Variants in SMARCB1 observed in about 807,000 individuals in gnomAD.
The protein encoded by SMARCB1 is SWI/SNF-related matrix-associated actin-dependent regulator of chromatin subfamily B member 1.
Under a neutral mutation model 49.0 loss-of-function variants are expected in SMARCB1, and 5 were observed. That is an observed-to-expected ratio of 0.10 (90% CI 0.05 to 0.21). The LOEUF (loss-of-function observed/expected upper bound fraction) is 0.21. Ranked by LOEUF, SMARCB1 falls within the 10% of genes least tolerant of loss-of-function variation. The pLI is 1.00. For synonymous variants in SMARCB1, 201 were observed against 200.1 expected (o/e 1.00, Z -0.04); for missense variants, 226 against 509.2 (o/e 0.44, Z 5.35).
intron 3 of SMARCB1, among the ~76,000 whole-genome samples, chr22:23,797,000 CT>C (rs1166157626): frequency 0.085 from 11,556 of 135,280 alleles, 1,223 homozygotes; most frequent in African/African-American, 0.28. Flanking sequence ...GGTTGTTTTT[CT>C]TTTTTTTTTT....
chr22:23,793,387 A>G (rs769288274), intron 2 of SMARCB1, 172 bp from the exon 3 acceptor site: 1 of 760,972 alleles, frequency 1.3e-6, no homozygotes, highest in Non-Finnish European at 2.4e-6. Flanking sequence ...TAAGTAAAGC[A>G]CTCAGTCCAG....
intron 7 of SMARCB1, among the ~76,000 whole-genome samples, chr22:23,832,325 A>G (rs1407221596): frequency 1.3e-5 from 2 of 152,236 alleles, no homozygotes; most frequent in East Asian, 3.8e-4. Flanking sequence ...CCTTCACAGC[A>G]ATAAATGTTT....
chr22:23,813,931 G>A (rs975352241), intron 5 of SMARCB1, among the ~76,000 whole-genome samples: 6 of 152,144 alleles, frequency 3.9e-5, no homozygotes, highest in Admixed American at 3.9e-4. Context: ...CCGGTTTCAA[G>A]CGTTTCTCCT....
At chr22:23,797,849 C>A (rs572614687) in intron 3 of SMARCB1, among the ~76,000 whole-genome samples, 3 of 149,862 alleles carry the variant, frequency 2.0e-5, no homozygotes, top group Non-Finnish European at 4.4e-5. Flanking sequence ...GAACTCCTGA[C>A]CTCAGGTGAT....
chr22:23,834,059 G>A (rs2146044155), intron 8 of SMARCB1, 82 bp from the exon 9 acceptor site: 3 of 1,451,988 alleles, frequency 2.1e-6, no homozygotes, highest in Non-Finnish European at 2.8e-6. Context: ...CCTACACTTG[G>A]CTGCCCTGTA....
intron 5 of SMARCB1, chr22:23,816,329 G>A: frequency 3.6e-6 from 1 of 279,046 alleles, no homozygotes; most frequent in Non-Finnish European, 7.0e-6. Context: ...CTGTGGCTTG[G>A]CACAGTGTGT....
intron 6 of SMARCB1, chr22:23,817,669 C>T (rs1930277013): frequency 6.6e-6 from 1 of 152,400 alleles, no homozygotes; most frequent in African/African-American, 2.4e-5. Context: ...GGGATGCCTC[C>T]TGTGACTGAG....
chr22:23,804,566 T>C (rs1211785826), intron 5 of SMARCB1, among the ~76,000 whole-genome samples: 2 of 151,608 alleles, frequency 1.3e-5, no homozygotes, highest in Non-Finnish European at 2.9e-5. Flanking sequence ...GGAGGGGAGA[T>C]GGAGTCTCAC....
chr22:23,786,986 G>A lies in SMARCB1; in HGVS notation c.-184G>A, dbSNP rs563943196. On this transcript the variant is annotated 5_prime_UTR_variant, in exon 1 of 9. Transcript: ENST00000644036. ...TCAACGCCAGCGCCTGCGCACTGAGGGCGGCCTGGTCGTCGTCTGCGGCGG... is the reference window on the plus strand; with the variant it reads ...TCAACGCCAGCGCCTGCGCACTGAGAGCGGCCTGGTCGTCGTCTGCGGCGG... 810 of 499,386 alleles carry A rather than the reference G, an allele frequency of 1.6e-3. 11 individuals carry two copies. Among genetic ancestry groups the A allele is most frequent in the Admixed American group, 1.8e-3 (42 of 22,752 alleles). 30.9% of individuals were successfully genotyped at this position (499,386 alleles called of 1,614,324 possible).
chr22:23,811,991 C>T (rs1033603104), intron 5 of SMARCB1, among the ~76,000 whole-genome samples: 5 of 152,210 alleles, frequency 3.3e-5, no homozygotes, highest in African/African-American at 1.2e-4. Flanking sequence ...GATGTCACCA[C>T]AGACCCTGCA....
At chr22:23,809,598 A>T (rs143243030) in intron 5 of SMARCB1, among the ~76,000 whole-genome samples, 8,280 of 151,590 alleles carry the variant, frequency 0.055, 650 homozygotes, top group African/African-American at 0.17. Context: ...TTTTTAGTAG[A>T]GACGGGGTTT....
chr22:23,812,766 A>C (rs529047962), intron 5 of SMARCB1, among the ~76,000 whole-genome samples: 1 of 152,206 alleles, frequency 6.6e-6, no homozygotes, highest in Non-Finnish European at 1.5e-5. Flanking sequence ...CATTTTGTAG[A>C]ACTCAACACC....
At position 23,822,999 on chromosome 22, in the gene SMARCB1, G is replaced by A. The variant is rs9608197; in HGVS notation, c.796-2226G>A. ...TTTTTTTTTTTTTTTTTTTTTTTTT[G>A]ACACAGAGTCTCGCTGTGTTGCCCA... is the stretch of plus-strand genomic sequence containing the variant. On this transcript the variant is annotated intron_variant, in intron 6 of 8. Transcript: ENST00000644036. The A allele has an allele frequency of 1.6e-4, 7 of 44,924 alleles. No homozygotes were observed. The East Asian group carries it at 1.8e-3, about 12-fold the overall frequency. 2.8% of individuals were successfully genotyped at this position (44,924 alleles called of 1,614,324 possible).
intron 5 of SMARCB1, among the ~76,000 whole-genome samples, chr22:23,809,367 C>T (rs1020711421): frequency 1.3e-5 from 2 of 151,172 alleles, no homozygotes; most frequent in Non-Finnish European, 2.9e-5. Flanking sequence ...ACCTCTACCT[C>T]CCGGGTTCAA....
rs887245809 is a variant in SMARCB1, at chr22:23,816,931, A to T, written c.790A>T (p.Ile264Phe). 1 of 1,613,810 alleles carries T rather than the reference A, an allele frequency of 6.2e-7. No individual in the cohort carries two copies. The highest frequency in any genetic ancestry group is 8.5e-7 in the Non-Finnish European group (1 of 1,179,876). Residue 264 changes from isoleucine (I) to phenylalanine (F), a missense_variant, in exon 6 of 9, where the codon ATC becomes TTC. This residue lies in a region of SMARCB1 where 128 missense variants were observed against 263.9 expected (regional missense o/e 0.49). Coordinates refer to ENST00000644036, the MANE Select transcript of SMARCB1 (RefSeq NM_003073.5). ...LEDQSDQRVI[I>F]KLNIHVGNIS... ...GGACCAGTCAGACCAGCGCGTCATC[A>T]TCAAGGTAGGTGACTTCTCACCCAG...
intron 7 of SMARCB1, among the ~76,000 whole-genome samples, chr22:23,832,070 G>A (rs2030685011): frequency 1.3e-5 from 2 of 152,210 alleles, no homozygotes; most frequent in Non-Finnish European, 2.9e-5. Context: ...TGTGCCCACA[G>A]TCCCTGAGAC....
rs979440676 is a variant in SMARCB1 at position 23,787,025 on chromosome 22, G to T, written c.-145G>T. 1 of 531,858 alleles carries T rather than the reference G, an allele frequency of 1.9e-6. No individual in the cohort carries two copies. Among genetic ancestry groups the T allele is most frequent in the Non-Finnish European group, 3.3e-6 (1 of 305,706 alleles). 32.9% of individuals were successfully genotyped at this position (531,858 alleles called of 1,614,324 possible). On this transcript the variant is annotated 5_prime_UTR_variant, in exon 1 of 9. In the 5' UTR this introduces an upstream ATG that the reference lacks. Coordinates refer to ENST00000644036, the MANE Select transcript of SMARCB1 (RefSeq NM_003073.5). Reference sequence around the variant, plus strand: ...CGTCTGCGGCGGCGGCGGCGGCTGAGGAGCCCGGCTGAGGCGCCAGTACCC... The same window carrying T: ...CGTCTGCGGCGGCGGCGGCGGCTGATGAGCCCGGCTGAGGCGCCAGTACCC...
chr22:23,793,692 A>G lies in SMARCB1; in HGVS notation c.362+4A>G. On this transcript the variant is annotated splice_donor_region_variant and intron_variant, in intron 3 of 8. Transcript: ENST00000644036. ...CAGAGCCCCCCACCTACCTCAGGTA[A>G]TGCGTTCCTGGCCAGGGCATCTCTG... 6.2e-7 allele frequency: 1 copy of G among 1,613,978 alleles called. No homozygotes were observed. Among genetic ancestry groups the G allele is most frequent in the South Asian group, 1.1e-5 (1 of 91,080 alleles).
At chr22:23,787,381 G>C (rs145275471) in intron 1 of SMARCB1, 119 bp downstream of exon 1, 1 of 464,628 alleles carries the variant, frequency 2.2e-6, no homozygotes, top group South Asian at 3.1e-5. Flanking sequence ...GCGCGCGCGC[G>C]CTCGGGGCTG....
Sources: allele counts gnomAD v4.1 joint callset (sites outside exome capture counted in the v4.1 genomes callset), GRCh38; gene constraint gnomAD v4.1.1; regional missense constraint gnomAD v4.1.1; transcripts MANE v1.5; gene names NCBI Gene and HGNC (gene_info 2026-07-23, HGNC 2026-07-21).